SEMA3A: variants seen among roughly 807,000 people sequenced by gnomAD.
SEMA3A encodes semaphorin 3A, also known as semaphorin-3A.
SEMA3A carries 29 observed loss-of-function variants against 97.9 expected under a neutral mutation model. The observed-to-expected ratio is 0.30, with a 90% CI of 0.22 to 0.40. The LOEUF is 0.40. Among genes scored for constraint, SEMA3A ranks in the 10% least tolerant of loss-of-function variants. The pLI is 1.00. For missense variants in SEMA3A, 763 were observed against 951.3 expected (o/e 0.80, Z 2.60); for synonymous variants, 321 against 323.7 (o/e 0.99, Z 0.09).
chr7:84,283,902 A>C (rs1800517388), intron 3 of SEMA3A, among the ~76,000 whole-genome samples: 1 of 152,090 alleles, frequency 6.6e-6, no homozygotes, highest in Admixed American at 6.6e-5. Flanking sequence ...AAATAAATTA[A>C]ATTTATTCCT....
chr7:84,120,655 C>T (rs1344413236), intron 3 of SEMA3A, among the ~76,000 whole-genome samples: 3 of 152,164 alleles, frequency 2.0e-5, no homozygotes, highest in Non-Finnish European at 4.4e-5. Flanking sequence ...CATCAAAATT[C>T]TTGATGAAAA....
intron 4 of SEMA3A, among the ~76,000 whole-genome samples, chr7:84,084,217 T>C (rs1583937041): frequency 6.6e-6 from 1 of 152,108 alleles, no homozygotes; most frequent in African/African-American, 2.4e-5. Context: ...CTAAGAATTA[T>C]TTATTTACTT....
rs142031474 is a variant in SEMA3A at position 84,414,027 on chromosome 7, G to A, written c.-245-42127C>T. 5.9e-5 allele frequency among the ~76,000 whole-genome samples: 9 copies of A among 152,020 alleles called. No individual in the cohort carries two copies. The East Asian group carries it at 1.4e-3, about 23-fold the overall frequency. On this transcript the variant is annotated intron_variant, in intron 1 of 3. Coordinates refer to the SEMA3A transcript ENST00000424555. Reference sequence around the variant, plus strand: ...TCAAGGTCACATATACTGCTTCACCGTAAATTTCTGATTACTCTATTAACT... The same window carrying A: ...TCAAGGTCACATATACTGCTTCACCATAAATTTCTGATTACTCTATTAACT...
intron 6 of SEMA3A, among the ~76,000 whole-genome samples, chr7:84,024,370 G>A (rs968520212): frequency 4.5e-5 from 6 of 133,970 alleles, no homozygotes; most frequent in African/African-American, 1.1e-4. Flanking sequence ...ATGAAACCTC[G>A]TCTCTACTAA....
rs151256451 is a variant in SEMA3A, at chr7:84,323,901, A to G, written c.-168-16609T>C. Among the ~76,000 whole-genome samples, 14 of 152,274 alleles carry G rather than the reference A, an allele frequency of 9.2e-5. No individual in the cohort carries two copies. In the East Asian group the frequency reaches 2.5e-3, roughly 27 times the overall value. ...CACAATAGAAATATTTACATCAAAC[A>G]TCTTTCTTTGTGACTTTAAAATCAT... On this transcript the variant is annotated intron_variant, in intron 2 of 3. Coordinates refer to the SEMA3A transcript ENST00000424555.
intron 1 of SEMA3A, among the ~76,000 whole-genome samples, chr7:84,459,505 G>T (rs573193061): frequency 6.6e-6 from 1 of 152,220 alleles, no homozygotes; most frequent in African/African-American, 2.4e-5. Flanking sequence ...TGCTATTAAT[G>T]TTAGTAGAGA....
chr7:84,294,085 C>T (rs1800812785), intron 3 of SEMA3A, among the ~76,000 whole-genome samples: 1 of 152,036 alleles, frequency 6.6e-6, no homozygotes, highest in Admixed American at 6.6e-5. Context: ...CAATACTTAA[C>T]TTTTCCCCAG....
intron 1 of SEMA3A, among the ~76,000 whole-genome samples, chr7:84,445,493 CAAAAAAAAAAAAAAAA>C (rs61298477): frequency 3.6e-5 from 1 of 27,556 alleles, no homozygotes; most frequent in Non-Finnish European, 7.9e-5. Flanking sequence ...GACTCCATCT[CAAAAAAAAAAAAAAAA>C]AAAAAAAAAA....
chr7:84,155,171 A>G (rs926307091), intron 1 of SEMA3A, among the ~76,000 whole-genome samples: 9 of 152,104 alleles, frequency 5.9e-5, no homozygotes, highest in Non-Finnish European at 1.2e-4. Context: ...CTTCCAACTC[A>G]AGACCTATCT....
At chr7:84,353,222 T>A (rs1802476710) in intron 2 of SEMA3A, among the ~76,000 whole-genome samples, 1 of 151,732 alleles carries the variant, frequency 6.6e-6, no homozygotes, top group Non-Finnish European at 1.5e-5. Context: ...AACCATCCAA[T>A]TTTTTGGTCC....
In SEMA3A at chr7:83,990,948, T is replaced by G. The variant is rs559523871; in HGVS notation, c.1453-5471A>C. The stretch of plus-strand genomic sequence containing the variant: ...TCACGATATTGATTCTTCCTACCCA[T>G]GAGCATGGAATGTTCTTCCTTTTGT... On this transcript the variant is annotated intron_variant, in intron 12 of 16. Transcript: ENST00000265362. Among the ~76,000 whole-genome samples the G allele has an allele frequency of 2.6e-4, 39 of 152,324 alleles. No individual in the cohort carries two copies. The South Asian group carries it at 3.5e-3, about 14-fold the overall frequency.
At chr7:84,190,701 TA>T (rs1305071463) in intron 1 of SEMA3A, among the ~76,000 whole-genome samples, 1 of 147,712 alleles carries the variant, frequency 6.8e-6, no homozygotes, top group East Asian at 1.9e-4. Context: ...CCCACTCTAT[TA>T]TTTATATATA....
chr7:84,144,954 T>C (rs1265108579), intron 1 of SEMA3A, among the ~76,000 whole-genome samples: 1 of 152,140 alleles, frequency 6.6e-6, no homozygotes, highest in Non-Finnish European at 1.5e-5. Context: ...CCTTCACCAA[T>C]AGAGTGTGCA....
At chr7:84,067,374 T>C (rs1237942529) in intron 4 of SEMA3A, among the ~76,000 whole-genome samples, 4 of 152,178 alleles carry the variant, frequency 2.6e-5, no homozygotes, top group Non-Finnish European at 1.5e-5. Flanking sequence ...AAGGACTTCA[T>C]GTCTAAAACA....
At chr7:84,122,853 A>G (rs3757624) in intron 3 of SEMA3A, among the ~76,000 whole-genome samples, 74,057 of 151,946 alleles carry the variant, frequency 0.49, 19,204 homozygotes, top group East Asian at 0.69. Flanking sequence ...CATATCATTA[A>G]GAGGAGTAAC....
In SEMA3A at chr7:83,977,161, G is replaced by T; in HGVS notation, c.1688C>A (p.Pro563Gln). 2 of 1,591,404 alleles carry T rather than the reference G, an allele frequency of 1.3e-6. No individual in the cohort carries two copies. Among genetic ancestry groups the T allele is most frequent in the Non-Finnish European group, 8.6e-7 (1 of 1,167,082 alleles). ...GTGTAAGTCTGAACAGTGAGTCAGTGGGTCTCCATTTCTTATATCTTGTCG... is the reference window on the plus strand; with the variant it reads ...GTGTAAGTCTGAACAGTGAGTCAGTTGGTCTCCATTTCTTATATCTTGTCG... ...TRRQDIRNGD[P>Q]LTHCSDLHHD... The change falls in exon 15 of 17, where the codon CCA becomes CAA. Residue 563 changes from proline (P) to glutamine (Q), a missense_variant. Physicochemically the swap from Pro to Gln is moderately conservative, Grantham distance 76 (BLOSUM62 -1). Around this residue, in one of 2 missense-constraint regions of SEMA3A, gnomAD observed 678 missense variants for 881.3 expected, o/e 0.77. Coordinates refer to ENST00000265362, the MANE Select transcript of SEMA3A (RefSeq NM_006080.3).
chr7:84,395,303 C>A (rs1228871), intron 1 of SEMA3A, among the ~76,000 whole-genome samples: 48,346 of 151,458 alleles, frequency 0.32, 9,269 homozygotes, highest in African/African-American at 0.54. Context: ...ACACTAAAAA[C>A]TGTTAACTGC....
At chr7:84,191,704 T>A (rs10258928) in intron 1 of SEMA3A, among the ~76,000 whole-genome samples, 1,764 of 151,946 alleles carry the variant, frequency 0.012, 30 homozygotes, top group African/African-American at 0.041. Context: ...CAAAAGTATT[T>A]CTGAGTAAAT....
At chr7:84,360,550 C>T (rs1222256362) in intron 2 of SEMA3A, among the ~76,000 whole-genome samples, 1 of 151,942 alleles carries the variant, frequency 6.6e-6, no homozygotes, top group African/African-American at 2.4e-5. Flanking sequence ...AAAATCCTTG[C>T]TTTGCTAGAT....
Sources: allele counts gnomAD v4.1 joint callset (sites outside exome capture counted in the v4.1 genomes callset), GRCh38; gene constraint gnomAD v4.1.1; regional missense constraint gnomAD v4.1.1; transcripts MANE v1.5; gene names NCBI Gene and HGNC (gene_info 2026-07-23, HGNC 2026-07-21).